The following SPOCK1 variants were observed in gnomAD, a reference collection of about 807,000 sequenced individuals.
The protein encoded by SPOCK1 is SPARC (osteonectin), cwcv and kazal like domains proteoglycan 1.
Under a neutral mutation model 55.3 loss-of-function variants are expected in SPOCK1, and 23 were observed. That is an observed-to-expected ratio of 0.42 (90% CI 0.30 to 0.59). The LOEUF is 0.59. Ranked by LOEUF, SPOCK1 falls within the 20% of genes least tolerant of loss-of-function variation. SPOCK1 has a pLI of 0.22. For synonymous variants in SPOCK1, 226 were observed against 221.0 expected (o/e 1.02, Z -0.20); for missense variants, 499 against 552.5 (o/e 0.90, Z 0.97).
intron 2 of SPOCK1, among the ~76,000 whole-genome samples, chr5:137,485,014 T>C (rs1474595230): frequency 6.6e-6 from 1 of 152,172 alleles, no homozygotes; most frequent in Non-Finnish European, 1.5e-5. Context: ...AAAATTTTAG[T>C]ATTCAAAAGT....
intron 5 of SPOCK1, among the ~76,000 whole-genome samples, chr5:137,097,837 C>T (rs1430937689): frequency 2.0e-5 from 3 of 152,166 alleles, no homozygotes; most frequent in Admixed American, 1.3e-4. Flanking sequence ...AAAGCCAGGC[C>T]CCAGCCAGTG....
intron 5 of SPOCK1, among the ~76,000 whole-genome samples, chr5:137,094,148 GC>G (rs1043030392): frequency 3.3e-5 from 5 of 152,142 alleles, no homozygotes; most frequent in African/African-American, 1.2e-4. Context: ...CAGAGATTTG[GC>G]CTGAGTCACT....
intron 3 of SPOCK1, among the ~76,000 whole-genome samples, chr5:137,168,691 T>C (rs1443859016): frequency 6.6e-6 from 1 of 152,012 alleles, no homozygotes; most frequent in African/African-American, 2.4e-5. Context: ...CTTTTTTCCA[T>C]AAGACAGGCA....
At chr5:137,028,688 A>C (rs998037290) in intron 6 of SPOCK1, among the ~76,000 whole-genome samples, 1 of 152,188 alleles carries the variant, frequency 6.6e-6, no homozygotes, top group East Asian at 1.9e-4. Flanking sequence ...CAGAGAAGTG[A>C]ATGACAGAAC....
At chr5:137,279,929 T>A (rs1453978464) in intron 2 of SPOCK1, among the ~76,000 whole-genome samples, 1 of 152,230 alleles carries the variant, frequency 6.6e-6, no homozygotes, top group Non-Finnish European at 1.5e-5. Context: ...TAAAGAGACA[T>A]GCTGAGAGCT....
chr5:137,151,657 T>C (rs1290336661), intron 3 of SPOCK1, among the ~76,000 whole-genome samples: 2 of 152,166 alleles, frequency 1.3e-5, no homozygotes, highest in African/African-American at 4.8e-5. Flanking sequence ...ATCAAAAATA[T>C]ATCCCATGCC....
At chr5:137,187,776 A>G (rs1755103907) in intron 3 of SPOCK1, among the ~76,000 whole-genome samples, 1 of 152,156 alleles carries the variant, frequency 6.6e-6, no homozygotes, top group African/African-American at 2.4e-5. Flanking sequence ...GTGGGAGCCT[A>G]AAAAAGAGAA....
intron 3 of SPOCK1, among the ~76,000 whole-genome samples, chr5:137,195,277 A>G (rs1293591274): frequency 6.6e-6 from 1 of 152,146 alleles, no homozygotes; most frequent in Non-Finnish European, 1.5e-5. Flanking sequence ...AACTTTTAGG[A>G]GCCTCTGCCT....
At chr5:137,061,706 C>A (rs1752395989) in intron 6 of SPOCK1, among the ~76,000 whole-genome samples, 1 of 140,994 alleles carries the variant, frequency 7.1e-6, no homozygotes, top group South Asian at 2.5e-4. Flanking sequence ...AAGGAGCTGT[C>A]CTTGGAGAAT....
intron 2 of SPOCK1, among the ~76,000 whole-genome samples, chr5:137,299,542 T>C (rs1277220285): frequency 6.6e-6 from 1 of 152,092 alleles, no homozygotes; most frequent in Non-Finnish European, 1.5e-5. Context: ...CAACTGTCTT[T>C]TAGCCTGAAG....
chr5:136,993,163 ATGCCTTCTCC>A (rs1434989866), intron 6 of SPOCK1: 6 of 152,250 alleles, frequency 3.9e-5, no homozygotes, highest in African/African-American at 1.4e-4. Flanking sequence ...AAACAGATGG[ATGCCTTCTCC>A]ATGAAACAGT....
At chr5:137,123,592 C>G (rs376217300) in intron 4 of SPOCK1, among the ~76,000 whole-genome samples, 1 of 152,140 alleles carries the variant, frequency 6.6e-6, no homozygotes, top group East Asian at 1.9e-4. Context: ...CCAGACAGAA[C>G]CTATTCTACC....
chr5:136,978,159 CG>C lies in SPOCK1; in HGVS notation c.*494del, dbSNP rs1241761192. 1.8e-5 allele frequency: 7 copies of C among 381,948 alleles called. No individual in the cohort carries two copies. Among genetic ancestry groups the C allele is most frequent in the Non-Finnish European group, 2.3e-5 (5 of 216,034 alleles). 23.7% of individuals were successfully genotyped at this position (381,948 alleles called of 1,614,324 possible). On this transcript the variant is annotated 3_prime_UTR_variant, in exon 11 of 11. Transcript: ENST00000394945. ...TTTTAATAATAATCACCGGCAGTAA[CG>C]GGGGCAGGGGGAAAAAGTACAGTGT...
chr5:137,108,853 T>C (rs1301133835), intron 5 of SPOCK1, among the ~76,000 whole-genome samples: 7 of 152,180 alleles, frequency 4.6e-5, no homozygotes, highest in African/African-American at 1.4e-4. Context: ...CCAATCCTTC[T>C]CAAACCAGCT....
At chr5:137,352,580 C>T (rs1277955074) in intron 2 of SPOCK1, among the ~76,000 whole-genome samples, 1 of 151,850 alleles carries the variant, frequency 6.6e-6, no homozygotes, top group African/African-American at 2.4e-5. Flanking sequence ...TGGCACAGCT[C>T]GTATAACAGC....
chr5:137,017,881 C>G (rs753864376), intron 6 of SPOCK1, among the ~76,000 whole-genome samples: 2 of 152,104 alleles, frequency 1.3e-5, no homozygotes, highest in Non-Finnish European at 2.9e-5. Context: ...AGCCCCACAC[C>G]GTGGAAGACA....
At chr5:137,287,177 G>A (rs932669432) in intron 2 of SPOCK1, among the ~76,000 whole-genome samples, 3 of 152,170 alleles carry the variant, frequency 2.0e-5, no homozygotes, top group Non-Finnish European at 4.4e-5. Context: ...GGACATACAA[G>A]TCCCCACTTG....
At chr5:137,160,102 T>C (rs961121762) in intron 3 of SPOCK1, among the ~76,000 whole-genome samples, 1 of 151,778 alleles carries the variant, frequency 6.6e-6, no homozygotes, top group Non-Finnish European at 1.5e-5. Context: ...TAGTCTTTTA[T>C]CCCTCACGCC....
At chr5:137,338,042 CTTTAAGT>C (rs971503349) in intron 2 of SPOCK1, among the ~76,000 whole-genome samples, 8 of 152,010 alleles carry the variant, frequency 5.3e-5, no homozygotes, top group African/African-American at 1.7e-4. Flanking sequence ...TATTATTATA[CTTTAAGT>C]TTTAGGGTAC....
Sources: gnomAD v4.1 joint callset for allele counts (sites outside exome capture counted in the v4.1 genomes callset) on GRCh38, gnomAD v4.1.1 for gene constraint, MANE v1.5 for transcripts, NCBI Gene and HGNC (gene_info 2026-07-23, HGNC 2026-07-21) for gene names.